Variants in ANAPC10 observed in about 807,000 individuals in gnomAD.
The protein encoded by ANAPC10 is anaphase promoting complex subunit 10.
A neutral mutation model predicts 22.0 loss-of-function variants in ANAPC10; 12 were observed. That is an observed-to-expected ratio of 0.55 (90% confidence interval 0.35 to 0.88). ANAPC10 has a LOEUF of 0.88. Ranked by LOEUF, ANAPC10 falls within the 40% of genes least tolerant of loss-of-function variation. ANAPC10 has a pLI of 0.01. For synonymous variants in ANAPC10, 65 were observed against 69.5 expected, an observed-to-expected ratio of 0.94 and a Z score of 0.32; for missense variants, 188 against 220.9, an observed-to-expected ratio of 0.85 and a Z score of 0.94.
At chr4:145,091,728 G>A (rs1747712261) in intron 2 of ANAPC10, among the ~76,000 whole-genome samples, 2 of 152,140 alleles carry the variant, frequency 1.3e-5, no homozygotes, top group South Asian at 2.1e-4. Flanking sequence ...TGGGATTGCT[G>A]AGTCAAATGG....
At chr4:145,040,634 T>C (rs1739373182) in intron 4 of ANAPC10, among the ~76,000 whole-genome samples, 1 of 152,202 alleles carries the variant, frequency 6.6e-6, no homozygotes, top group Non-Finnish European at 1.5e-5. Context: ...GGTTATACAA[T>C]CTGCCCAAGG....
At chr4:145,089,659 T>C (rs376920297) in intron 2 of ANAPC10, among the ~76,000 whole-genome samples, 1 of 152,174 alleles carries the variant, frequency 6.6e-6, no homozygotes, top group Admixed American at 6.5e-5. Context: ...AATGAAATAT[T>C]GAACCATTAT....
At chr4:145,097,679 G>A in intron 1 of ANAPC10, 1 of 464,940 alleles carries the variant, frequency 2.2e-6, no homozygotes. Flanking sequence ...TGAACTAGTT[G>A]TCACTTGCCT....
chr4:145,027,834 T>C (rs988892572), intron 4 of ANAPC10, among the ~76,000 whole-genome samples: 4 of 152,184 alleles, frequency 2.6e-5, no homozygotes, highest in African/African-American at 7.2e-5. Flanking sequence ...TTACCTCCCA[T>C]GTGGAGGATG....
intron 3 of ANAPC10, among the ~76,000 whole-genome samples, chr4:145,081,136 T>C (rs1230838075): frequency 6.7e-6 from 1 of 150,258 alleles, no homozygotes; most frequent in African/African-American, 2.5e-5. Context: ...TGATAATAAA[T>C]ACATTCAAAG....
chr4:145,056,197 C>G (rs1742046970), intron 4 of ANAPC10, among the ~76,000 whole-genome samples: 1 of 152,134 alleles, frequency 6.6e-6, no homozygotes, highest in Admixed American at 6.5e-5. Flanking sequence ...AAAGACCTTG[C>G]TAATAAAACA....
chr4:145,080,941 G>T (rs1232959448), intron 3 of ANAPC10, among the ~76,000 whole-genome samples: 1 of 149,918 alleles, frequency 6.7e-6, no homozygotes, highest in African/African-American at 2.4e-5. Flanking sequence ...TGGTATAAAT[G>T]GAACAAGATA....
At chr4:145,041,923 A>G (rs1739577833) in intron 4 of ANAPC10, among the ~76,000 whole-genome samples, 1 of 152,216 alleles carries the variant, frequency 6.6e-6, no homozygotes, top group South Asian at 2.1e-4. Context: ...AATAGTCAAA[A>G]TGGTAAAAAC....
At chr4:145,016,630 CAT>C (rs1281954731) in intron 4 of ANAPC10, among the ~76,000 whole-genome samples, 1 of 152,200 alleles carries the variant, frequency 6.6e-6, no homozygotes, top group East Asian at 1.9e-4. Flanking sequence ...CTTTAAAGTT[CAT>C]ATGGAACCAA....
Position 145,027,096 on chromosome 4 carries a change from T to C in ANAPC10, c.328-31493A>G, listed in dbSNP as rs369267412. ...TTGGCTCACTGCAACCTCTGCCACC[T>C]GGGTTCAAGCAATTCTCATGCCTCA... On this transcript the variant is annotated intron_variant, in intron 4 of 4. Coordinates refer to ENST00000507656, the MANE Select transcript of ANAPC10 (RefSeq NM_001256706.2). Among the ~76,000 whole-genome samples, 16 of 136,122 alleles carry C rather than the reference T, an allele frequency of 1.2e-4. 1 individual carries two copies. The East Asian group carries it at 2.2e-3, about 18-fold the overall frequency. 89.3% of individuals were successfully genotyped at this position (136,122 alleles called of 152,430 possible).
intron 2 of ANAPC10, among the ~76,000 whole-genome samples, chr4:145,083,850 A>C (rs1442888889): frequency 6.6e-6 from 1 of 152,222 alleles, no homozygotes; most frequent in Non-Finnish European, 1.5e-5. Context: ...CACCTGATAG[A>C]TTAAAAAAAT....
chr4:145,080,123 A>AC (rs1232843556), intron 3 of ANAPC10, among the ~76,000 whole-genome samples: 1 of 150,094 alleles, frequency 6.7e-6, no homozygotes, highest in Non-Finnish European at 1.5e-5. Flanking sequence ...CAAAAAAAAA[A>AC]AAAAAAAAAA....
chr4:145,093,073 A>G (rs1404557941), intron 2 of ANAPC10, among the ~76,000 whole-genome samples: 1 of 152,192 alleles, frequency 6.6e-6, no homozygotes, highest in Non-Finnish European at 1.5e-5. Context: ...TGCCTCTCAT[A>G]CCCTGAACTG....
intron 4 of ANAPC10, among the ~76,000 whole-genome samples, chr4:145,010,608 A>G (rs1255845208): frequency 2.0e-5 from 3 of 152,024 alleles, no homozygotes; most frequent in Non-Finnish European, 4.4e-5. Flanking sequence ...TAACTCATAG[A>G]TGGGAATTGA....
intron 4 of ANAPC10, among the ~76,000 whole-genome samples, chr4:145,014,430 C>T (rs1734802661): frequency 6.6e-6 from 1 of 152,050 alleles, no homozygotes; most frequent in Non-Finnish European, 1.5e-5. Context: ...GCAGCTGCAC[C>T]AAGGCCCACC....
At chr4:145,020,776 A>G (rs548722913) in intron 4 of ANAPC10, among the ~76,000 whole-genome samples, 12 of 152,200 alleles carry the variant, frequency 7.9e-5, no homozygotes, top group African/African-American at 2.9e-4. Context: ...TAGCTCTCCC[A>G]TACACCAACA....
intron 4 of ANAPC10, among the ~76,000 whole-genome samples, chr4:145,027,050 C>T (rs1736869110): frequency 8.9e-6 from 1 of 112,230 alleles, no homozygotes; most frequent in Non-Finnish European, 1.7e-5. Flanking sequence ...GTCTCCCAGG[C>T]TGGAGTGCAG....
rs1014572987 is a variant in ANAPC10 at position 145,035,153 on chromosome 4, G to A, written c.327+29419C>T. 2.0e-5 allele frequency: 3 copies of A among 152,228 alleles called. No homozygotes were observed. The South Asian group carries it at 6.2e-4, about 32-fold the overall frequency. The allele number at this position is 152,228 out of a possible 1,614,324, so 9.4% of individuals were successfully genotyped here. A position where few individuals can be genotyped will look rare whatever the true frequency, so the allele number is the denominator to read the frequency against. ...AGCAGGATGTGAGGGCAATCCGGCT[G>A]CGACATCTGTCACCCCACTAATCAC... On this transcript the variant is annotated intron_variant, in intron 4 of 4. Coordinates refer to ENST00000507656, the MANE Select transcript of ANAPC10 (RefSeq NM_001256706.2).
intron 2 of ANAPC10, among the ~76,000 whole-genome samples, chr4:145,085,168 G>T (rs530671579): frequency 1.3e-5 from 2 of 152,224 alleles, no homozygotes; most frequent in Admixed American, 1.3e-4. Context: ...GAGGCAGGGG[G>T]ATCACTTGAG....
Sources: allele counts gnomAD v4.1 joint callset (sites outside exome capture counted in the v4.1 genomes callset), GRCh38; gene constraint gnomAD v4.1.1; transcripts MANE v1.5; gene names NCBI Gene and HGNC (gene_info 2026-07-23, HGNC 2026-07-21).